Variants in FAR2 observed in about 807,000 individuals in gnomAD.
FAR2 encodes epididymis secretory protein Li 81.
Under a neutral mutation model 56.0 loss-of-function variants are expected in FAR2, and 19 were observed. The observed-to-expected ratio is 0.34, with a 90% confidence interval of 0.24 to 0.50. The LOEUF is 0.50. Among genes scored for constraint, FAR2 ranks in the 20% least tolerant of loss-of-function variants. The probability of loss-of-function intolerance (pLI) is 0.98; values close to 1 mark genes in which losing one functional copy is unlikely to be tolerated. For synonymous variants in FAR2, 219 were observed against 218.8 expected, an observed-to-expected ratio of 1.00 and a Z score of -0.01; for missense variants, 508 against 642.2, an observed-to-expected ratio of 0.79 and a Z score of 2.26.
At chr12:29,260,780 G>C (rs574603542) in intron 1 of FAR2, among the ~76,000 whole-genome samples, 1 of 152,282 alleles carries the variant, frequency 6.6e-6, no homozygotes, top group Admixed American at 6.5e-5. Flanking sequence ...ACCCTGAAGG[G>C]AGACAGGCTC....
chr12:29,325,766 T>A (rs1005446103), intron 10 of FAR2, among the ~76,000 whole-genome samples: 3 of 151,578 alleles, frequency 2.0e-5, no homozygotes, highest in African/African-American at 7.3e-5. Context: ...TAGAGGGAAA[T>A]TTATAGCACT....
chr12:29,308,840 C>G (rs1287836227), intron 5 of FAR2, among the ~76,000 whole-genome samples: 1 of 151,702 alleles, frequency 6.6e-6, no homozygotes, highest in Non-Finnish European at 1.5e-5. Context: ...GAAATCAGGA[C>G]TAAGGTGGAG....
chr12:29,204,471 G>A (rs1165828971), intron 1 of FAR2, among the ~76,000 whole-genome samples: 1 of 152,178 alleles, frequency 6.6e-6, no homozygotes, highest in Non-Finnish European at 1.5e-5. Context: ...TGGGGATGAG[G>A]CATTTAAAGC....
At position 29,207,978 on chromosome 12, in the gene FAR2, G is replaced by A. The variant is rs574873965; in HGVS notation, c.-39+58571G>A. ...GCATTTTGGGAGGCCAGGACAGGAG[G>A]ATTACTTGGGTCCAGAAGCTCAAGC... On this transcript the variant is annotated intron_variant, in intron 1 of 11. Transcript: ENST00000536681. Among the ~76,000 whole-genome samples the A allele has an allele frequency of 2.0e-5, 3 of 152,328 alleles. No individual in the cohort carries two copies. In the South Asian group the frequency reaches 6.2e-4, roughly 32 times the overall value.
chr12:29,210,946 CAA>C (rs11407727), intron 1 of FAR2, among the ~76,000 whole-genome samples: 2 of 151,350 alleles, frequency 1.3e-5, no homozygotes. Flanking sequence ...GTCTTAAAAA[CAA>C]AAAAAAAACT....
intron 1 of FAR2, among the ~76,000 whole-genome samples, chr12:29,257,306 C>G (rs1948336077): frequency 6.6e-6 from 1 of 151,630 alleles, no homozygotes; most frequent in African/African-American, 2.4e-5. Context: ...TGTGGACACT[C>G]TGTATCTAGC....
At chr12:29,313,710 C>T (rs1478306776) in intron 8 of FAR2, among the ~76,000 whole-genome samples, 1 of 152,038 alleles carries the variant, frequency 6.6e-6, no homozygotes, top group Admixed American at 6.6e-5. Context: ...TTTCACATTA[C>T]ATCAATTTTT....
chr12:29,330,870 C>G (rs967182421), intron 10 of FAR2, among the ~76,000 whole-genome samples: 1 of 152,040 alleles, frequency 6.6e-6, no homozygotes, highest in African/African-American at 2.4e-5. Context: ...AAAAAGGAAA[C>G]TAAGAGTTTA....
intron 1 of FAR2, among the ~76,000 whole-genome samples, chr12:29,177,995 T>C (rs1023861745): frequency 2.0e-5 from 3 of 152,148 alleles, no homozygotes; most frequent in Non-Finnish European, 4.4e-5. Context: ...AGTGACAAGA[T>C]GGTGGATAGT....
chr12:29,265,417 A>T (rs1948497621), intron 1 of FAR2, among the ~76,000 whole-genome samples: 1 of 152,216 alleles, frequency 6.6e-6, no homozygotes, highest in Non-Finnish European at 1.5e-5. Context: ...CCGAGAACAT[A>T]CATTGGGGAA....
chr12:29,323,967 C>T (rs1367553898), intron 10 of FAR2, among the ~76,000 whole-genome samples: 1 of 151,868 alleles, frequency 6.6e-6, no homozygotes, highest in African/African-American at 2.4e-5. Context: ...GGAGGAAGTT[C>T]GAACCAATGG....
At chr12:29,263,218 C>A (rs1347426132) in intron 1 of FAR2, among the ~76,000 whole-genome samples, 1 of 152,086 alleles carries the variant, frequency 6.6e-6, no homozygotes, top group Non-Finnish European at 1.5e-5. Context: ...TTCAACACCC[C>A]ACCTTCAGCA....
chr12:29,329,465 A>T (rs1460464350), intron 10 of FAR2, among the ~76,000 whole-genome samples: 1 of 152,226 alleles, frequency 6.6e-6, no homozygotes, highest in African/African-American at 2.4e-5. Flanking sequence ...TAATAGTACT[A>T]AATGTAATTA....
At chr12:29,294,291 C>T (rs1949019417) in intron 3 of FAR2, among the ~76,000 whole-genome samples, 1 of 151,762 alleles carries the variant, frequency 6.6e-6, no homozygotes. Context: ...GCCTATTTTT[C>T]TATTGAAACA....
intron 10 of FAR2, among the ~76,000 whole-genome samples, chr12:29,330,501 T>A (rs1949716254): frequency 6.6e-6 from 1 of 152,202 alleles, no homozygotes; most frequent in South Asian, 2.1e-4. Context: ...ATAGGGATAA[T>A]AATATTTAGT....
At chr12:29,243,849 TA>T (rs57987149) in intron 1 of FAR2, among the ~76,000 whole-genome samples, 3,456 of 152,296 alleles carry the variant, frequency 0.023, 121 homozygotes, top group African/African-American at 0.078. Context: ...TCAATGAGTT[TA>T]AAGGCATCTG....
chr12:29,311,830 C>G (rs958606197), intron 7 of FAR2, 53 bp from the exon 8 acceptor site: 10 of 1,280,614 alleles, frequency 7.8e-6, no homozygotes, highest in Non-Finnish European at 1.1e-5. Flanking sequence ...TTATTTTTCT[C>G]TCATTAGTTT....
intron 2 of FAR2, among the ~76,000 whole-genome samples, chr12:29,277,245 G>A (rs1040216295): frequency 1.3e-5 from 2 of 152,144 alleles, no homozygotes; most frequent in African/African-American, 4.8e-5. Context: ...CAAAGTGCTG[G>A]GATTACAGGC....
intron 4 of FAR2, among the ~76,000 whole-genome samples, chr12:29,306,850 C>G (rs1484783557): frequency 2.6e-5 from 4 of 152,132 alleles, no homozygotes; most frequent in Admixed American, 2.6e-4. Context: ...GCACTATAAT[C>G]ACCCCACTTG....
Sources: gnomAD v4.1 joint callset for allele counts (sites outside exome capture counted in the v4.1 genomes callset) on GRCh38, gnomAD v4.1.1 for gene constraint, MANE v1.5 for transcripts, NCBI Gene and HGNC (gene_info 2026-07-23, HGNC 2026-07-21) for gene names.